The following IGF1 variants were observed in gnomAD, a reference collection of about 807,000 sequenced individuals.
IGF1 encodes the protein insulin like growth factor 1.
Under a neutral mutation model 13.8 loss-of-function variants are expected in IGF1, and 4 were observed. The ratio of observed to expected loss-of-function variants is 0.29; its 90% CI spans 0.14 to 0.66. IGF1 has a LOEUF of 0.66. IGF1 is among the 30% of genes least tolerant of loss of function. The pLI, the probability that IGF1 is intolerant of heterozygous loss-of-function variation, is 0.78. For synonymous variants in IGF1, 76 were observed against 72.6 expected (o/e 1.05, Z -0.23); for missense variants, 124 against 188.5 (o/e 0.66, Z 2.00).
At chr12:102,479,846 C>A (rs1315172874) in intron 1 of IGF1, among the ~76,000 whole-genome samples, 1 of 151,738 alleles carries the variant, frequency 6.6e-6, no homozygotes, top group Non-Finnish European at 1.5e-5. Context: ...AAAATACAAC[C>A]CTTCATATAT....
intron 2 of IGF1, among the ~76,000 whole-genome samples, chr12:102,442,331 A>C (rs573985054): frequency 1.3e-5 from 2 of 152,188 alleles, no homozygotes; most frequent in African/African-American, 4.8e-5. Flanking sequence ...AGTATCTTCT[A>C]AGAGAAACTT....
intron 2 of IGF1, among the ~76,000 whole-genome samples, chr12:102,446,812 G>A (rs762506004): frequency 7.9e-5 from 12 of 152,104 alleles, no homozygotes; most frequent in Non-Finnish European, 1.6e-4. Context: ...TAATTGTGAT[G>A]TTCAGGTGTC....
At chr12:102,428,687 ATC>A (rs1876456741) in intron 2 of IGF1, among the ~76,000 whole-genome samples, 1 of 152,238 alleles carries the variant, frequency 6.6e-6, no homozygotes, top group South Asian at 2.1e-4. Flanking sequence ...ACAAAGCCGC[ATC>A]TTCATAAGGT....
chr12:102,443,304 A>C (rs1366715502), intron 2 of IGF1, among the ~76,000 whole-genome samples: 1 of 152,158 alleles, frequency 6.6e-6, no homozygotes, highest in Non-Finnish European at 1.5e-5. Flanking sequence ...GGGATCCTTC[A>C]TTAAAAGACA....
intron 2 of IGF1, among the ~76,000 whole-genome samples, chr12:102,441,894 T>G (rs1877755494): frequency 7.3e-6 from 1 of 137,888 alleles, no homozygotes; most frequent in Non-Finnish European, 1.6e-5. Context: ...CACTAAGTCA[T>G]TCTATTACAC....
intron 3 of IGF1, among the ~76,000 whole-genome samples, chr12:102,408,145 G>T (rs987556382): frequency 6.6e-6 from 1 of 152,182 alleles, no homozygotes; most frequent in African/African-American, 2.4e-5. Flanking sequence ...GCATTGACCT[G>T]CTCCCAAAAA....
chr12:102,447,011 C>A (rs1001788236), intron 2 of IGF1, among the ~76,000 whole-genome samples: 1 of 152,150 alleles, frequency 6.6e-6, no homozygotes, highest in African/African-American at 2.4e-5. Flanking sequence ...GCAGGTTGTT[C>A]AGTTTCCATG....
chr12:102,472,894 T>A (rs1427581871), intron 2 of IGF1, among the ~76,000 whole-genome samples: 3 of 151,378 alleles, frequency 2.0e-5, no homozygotes, highest in Admixed American at 2.0e-4. Context: ...CAAAAAAAAA[T>A]AAAAGCAGTT....
intron 2 of IGF1, among the ~76,000 whole-genome samples, chr12:102,449,190 C>T (rs571325196): frequency 6.6e-6 from 1 of 152,254 alleles, no homozygotes; most frequent in South Asian, 2.1e-4. Flanking sequence ...AAATGTGGCA[C>T]ATATACACCA....
At chr12:102,467,103 G>T (rs1302889759) in intron 2 of IGF1, among the ~76,000 whole-genome samples, 1 of 152,104 alleles carries the variant, frequency 6.6e-6, no homozygotes, top group Admixed American at 6.6e-5. Flanking sequence ...GCTCAGTGCA[G>T]ACTTTCTAAA....
intron 2 of IGF1, 120 bp from the exon 3 acceptor site, chr12:102,419,810 T>A: frequency 1.0e-6 from 1 of 952,858 alleles, no homozygotes; most frequent in East Asian, 2.6e-5. Flanking sequence ...TGTCTCAACC[T>A]CTTCTTGAAA....
At chr12:102,422,915 A>T (rs1183386407) in intron 2 of IGF1, among the ~76,000 whole-genome samples, 1 of 152,192 alleles carries the variant, frequency 6.6e-6, no homozygotes, top group Non-Finnish European at 1.5e-5. Context: ...TGAATTTACA[A>T]GTGTTACATA....
chr12:102,439,166 G>T (rs1877489619), intron 2 of IGF1, among the ~76,000 whole-genome samples: 1 of 152,212 alleles, frequency 6.6e-6, no homozygotes, highest in African/African-American at 2.4e-5. Context: ...TGTGTGTCCA[G>T]TGTCTACCCT....
chr12:102,459,717 G>C (rs1265544683), intron 2 of IGF1, among the ~76,000 whole-genome samples: 1 of 152,136 alleles, frequency 6.6e-6, no homozygotes, highest in Non-Finnish European at 1.5e-5. Context: ...ATTTTTGAAT[G>C]TTCAGTTTTT....
At position 102,475,629 on chromosome 12, in the gene IGF1, G is replaced by A. The variant is rs1436651705; in HGVS notation, c.220+14C>T. ...TTAGACTTGAGCAGCACATTGAGAGGGAGGGCTACTTACTGAAATAAAAGC... is the reference window on the plus strand; with the variant it reads ...TTAGACTTGAGCAGCACATTGAGAGAGAGGGCTACTTACTGAAATAAAAGC... On this transcript the variant is annotated intron_variant, in intron 2 of 3. Transcript: ENST00000337514. The A allele has an allele frequency of 1.9e-6, 3 of 1,613,748 alleles. No homozygotes were observed. The highest frequency in any genetic ancestry group is 1.1e-5 in the South Asian group (1 of 90,994).
At chr12:102,457,174 A>C (rs1342661304) in intron 2 of IGF1, among the ~76,000 whole-genome samples, 1 of 152,222 alleles carries the variant, frequency 6.6e-6, no homozygotes, top group Non-Finnish European at 1.5e-5. Context: ...ATAGCAAAAT[A>C]AATATTATTC....
intron 2 of IGF1, among the ~76,000 whole-genome samples, chr12:102,430,619 A>G (rs11111271): frequency 6.6e-5 from 10 of 152,250 alleles, no homozygotes; most frequent in African/African-American, 2.4e-4. Context: ...AAAGAATTTT[A>G]GTAAAAAGCA....
At chr12:102,449,629 G>GC (rs1233306495) in intron 2 of IGF1, among the ~76,000 whole-genome samples, 3 of 145,966 alleles carry the variant, frequency 2.1e-5, no homozygotes, top group Admixed American at 6.8e-5. Context: ...TCCCCATCCC[G>GC]CCCCCCAACT....
intron 2 of IGF1, among the ~76,000 whole-genome samples, chr12:102,441,906 G>GCTGCTGCTTCCTCTTCTTCTTCTT: frequency 2.0e-5 from 2 of 100,292 alleles, no homozygotes; most frequent in African/African-American, 3.9e-5. Flanking sequence ...CTATTACACT[G>GCTGCTGCTTCCTCTTCTTCTTCTT]CTTCTTCTCC....
Sources: allele counts gnomAD v4.1 joint callset (sites outside exome capture counted in the v4.1 genomes callset), GRCh38; gene constraint gnomAD v4.1.1; transcripts MANE v1.5; gene names NCBI Gene and HGNC (gene_info 2026-07-23, HGNC 2026-07-21).